The following CPVL variants were observed in gnomAD, a reference collection of about 807,000 sequenced individuals.
CPVL encodes the protein probable serine carboxypeptidase CPVL.
CPVL carries 51 observed loss-of-function variants against 63.7 expected under a neutral mutation model. The ratio of observed to expected loss-of-function variants is 0.80; its 90% CI spans 0.64 to 1.01. The LOEUF is 1.01. Among genes scored for constraint, CPVL ranks in the 50% least tolerant of loss-of-function variants. The pLI, the probability that CPVL is intolerant of heterozygous loss-of-function variation, is 0.00. For synonymous variants in CPVL, 195 were observed against 206.0 expected (o/e 0.95, Z 0.46); for missense variants, 530 against 573.1 (o/e 0.92, Z 0.77).
At chr7:29,045,042 A>G (rs1789480270) in intron 11 of CPVL, among the ~76,000 whole-genome samples, 1 of 152,222 alleles carries the variant, frequency 6.6e-6, no homozygotes, top group Non-Finnish European at 1.5e-5. Flanking sequence ...GTGCACCAAG[A>G]AAAACAACTT....
intron 5 of CPVL, among the ~76,000 whole-genome samples, chr7:29,153,665 G>A (rs1417166834): frequency 6.6e-6 from 1 of 152,124 alleles, no homozygotes; most frequent in Non-Finnish European, 1.5e-5. Flanking sequence ...CGCCTCCCAG[G>A]TTCAAGGAAT....
Position 29,058,597 on chromosome 7 carries a change from T to C in CPVL, c.1137+5464A>G, listed in dbSNP as rs573565655. 1.6e-4 allele frequency among the ~76,000 whole-genome samples: 25 copies of C among 152,262 alleles called. No individual in the cohort carries two copies. In the South Asian group the frequency reaches 5.2e-3, roughly 32 times the overall value. On this transcript the variant is annotated intron_variant, in intron 11 of 12. Transcript: ENST00000265394. ...GCAGGTCTACTAGCAACAAATTCCCTCAATTTTTGTTTGTCTGAGAAAGTC... is the reference window on the plus strand; with the variant it reads ...GCAGGTCTACTAGCAACAAATTCCCCCAATTTTTGTTTGTCTGAGAAAGTC...
chr7:29,130,148 G>A (rs946161671), intron 1 of CPVL, among the ~76,000 whole-genome samples: 1 of 152,140 alleles, frequency 6.6e-6, no homozygotes, highest in Non-Finnish European at 1.5e-5. Context: ...TGAATAGTGG[G>A]GCCATGATTG....
At chr7:29,070,946 T>G (rs1783670323) in intron 9 of CPVL, among the ~76,000 whole-genome samples, 1 of 152,232 alleles carries the variant, frequency 6.6e-6, no homozygotes, top group Non-Finnish European at 1.5e-5. Flanking sequence ...TTAGATATAC[T>G]GTTACAGAAT....
At chr7:29,163,275 T>G (rs1795443858) in intron 5 of CPVL, among the ~76,000 whole-genome samples, 1 of 152,148 alleles carries the variant, frequency 6.6e-6, no homozygotes, top group African/African-American at 2.4e-5. Flanking sequence ...TTTTGAAGAC[T>G]TAGTATGAAA....
chr7:29,087,580 A>T (rs1785337878), intron 6 of CPVL, among the ~76,000 whole-genome samples: 1 of 152,146 alleles, frequency 6.6e-6, no homozygotes, highest in Non-Finnish European at 1.5e-5. Flanking sequence ...GAAAACAAAA[A>T]CTTGTGAAAC....
chr7:29,068,096 C>G (rs1390375494), intron 9 of CPVL, among the ~76,000 whole-genome samples: 1 of 151,620 alleles, frequency 6.6e-6, no homozygotes, highest in Non-Finnish European at 1.5e-5. Flanking sequence ...CTTCTGCCTC[C>G]CGGATTCAAG....
chr7:29,064,751 G>A (rs539705617), intron 10 of CPVL, among the ~76,000 whole-genome samples: 9 of 151,910 alleles, frequency 5.9e-5, no homozygotes, highest in East Asian at 3.9e-4. Flanking sequence ...TTATTAACTC[G>A]TCATTTAGCA....
intron 2 of CPVL, among the ~76,000 whole-genome samples, chr7:29,116,924 G>C (rs1345399701): frequency 3.9e-5 from 6 of 152,136 alleles, no homozygotes. Flanking sequence ...GCAATAATAA[G>C]ACTCACGTTC....
intron 5 of CPVL, among the ~76,000 whole-genome samples, chr7:29,180,698 T>G (rs535086121): frequency 3.3e-5 from 5 of 152,322 alleles, no homozygotes; most frequent in Non-Finnish European, 5.9e-5. Context: ...TACAAACTAA[T>G]AAGAAGAACA....
intron 7 of CPVL, among the ~76,000 whole-genome samples, chr7:29,083,603 C>T (rs889234371): frequency 6.6e-6 from 1 of 152,150 alleles, no homozygotes; most frequent in Admixed American, 6.5e-5. Context: ...AAGAACTTGC[C>T]TGAGAATGAA....
rs1290907993 is a variant in CPVL at position 29,195,051 on chromosome 7, C to A, written c.-448+26G>T. The stretch of plus-strand genomic sequence containing the variant: ...GGGTCTCGCCCCACTGCCCTCGCCC[C>A]GCAGCCTGGGATGGACAGAGCCTAC... On this transcript the variant is annotated intron_variant, in intron 1 of 16. Transcript: ENST00000409850. 1.2e-5 allele frequency: 19 copies of A among 1,532,002 alleles called. No homozygotes were observed. In the Admixed American group the frequency reaches 3.1e-4, roughly 25 times the overall value. 94.9% of individuals were successfully genotyped at this position (1,532,002 alleles called of 1,614,324 possible). A position where few individuals can be genotyped will look rare whatever the true frequency, so the allele number is the denominator to read the frequency against.
intron 1 of CPVL, among the ~76,000 whole-genome samples, chr7:29,189,974 G>A (rs1305785684): frequency 2.0e-5 from 3 of 152,190 alleles, no homozygotes; most frequent in African/African-American, 7.2e-5. Flanking sequence ...CCCAGGTGTG[G>A]ACTCCTCTTT....
intron 3 of CPVL, among the ~76,000 whole-genome samples, chr7:29,108,960 T>G (rs567342934): frequency 6.6e-6 from 1 of 152,318 alleles, no homozygotes; most frequent in African/African-American, 2.4e-5. Context: ...GGCCTAATTT[T>G]ATATTCCAGT....
At chr7:29,006,658 C>T (rs998312713) in intron 12 of CPVL, among the ~76,000 whole-genome samples, 5 of 152,180 alleles carry the variant, frequency 3.3e-5, no homozygotes, top group Non-Finnish European at 2.9e-5. Context: ...GTTCTCGACT[C>T]ACAGCCTAAG....
intron 11 of CPVL, among the ~76,000 whole-genome samples, chr7:29,060,144 T>G (rs1334277292): frequency 6.6e-6 from 1 of 152,134 alleles, no homozygotes; most frequent in Non-Finnish European, 1.5e-5. Flanking sequence ...CAAAATTTGT[T>G]GAACATTTTT....
intron 12 of CPVL, among the ~76,000 whole-genome samples, chr7:28,998,349 C>T (rs558480427): frequency 1.2e-4 from 18 of 152,220 alleles, no homozygotes; most frequent in Non-Finnish European, 2.4e-4. Flanking sequence ...CCCCCAGAAC[C>T]AGTGCTGCAG....
intron 11 of CPVL, among the ~76,000 whole-genome samples, chr7:29,053,409 T>G (rs1790395847): frequency 6.6e-6 from 1 of 152,186 alleles, no homozygotes; most frequent in African/African-American, 2.4e-5. Flanking sequence ...AATATTATTT[T>G]GCAGTAAAAA....
At chr7:29,111,824 C>A (rs1372701038) in intron 3 of CPVL, among the ~76,000 whole-genome samples, 2 of 152,210 alleles carry the variant, frequency 1.3e-5, no homozygotes, top group Non-Finnish European at 2.9e-5. Flanking sequence ...CAGCTATATG[C>A]AAATCACATG....
Sources: gnomAD v4.1 joint callset for allele counts (sites outside exome capture counted in the v4.1 genomes callset) on GRCh38, gnomAD v4.1.1 for gene constraint, MANE v1.5 for transcripts, NCBI Gene and HGNC (gene_info 2026-07-23, HGNC 2026-07-21) for gene names.